The following CENPC variants were observed in gnomAD, a reference collection of about 807,000 sequenced individuals.
The protein encoded by CENPC is CENP-C 1.
A neutral mutation model predicts 112.1 loss-of-function variants in CENPC; 63 were observed. The ratio of observed to expected loss-of-function variants is 0.56; its 90% CI spans 0.46 to 0.69. The LOEUF is 0.69. Ranked by LOEUF, CENPC falls within the 30% of genes least tolerant of loss-of-function variation. The probability of loss-of-function intolerance (pLI) is 0.00; values close to 1 mark genes in which losing one functional copy is unlikely to be tolerated. For synonymous variants in CENPC, 333 were observed against 367.6 expected, an observed-to-expected ratio of 0.91 and a Z score of 1.08; for missense variants, 1,000 against 1,103.8, an observed-to-expected ratio of 0.91 and a Z score of 1.33.
intron 5 of CENPC, among the ~76,000 whole-genome samples, chr4:67,525,038 T>C (rs577424400): frequency 1.3e-5 from 2 of 152,116 alleles, no homozygotes; most frequent in South Asian, 4.2e-4. Context: ...CTACAACCGT[T>C]TGCTCTTCGA....
chr4:67,474,979 C>T lies in CENPC; in HGVS notation c.2671-1G>A. The T allele has an allele frequency of 2.0e-6, 3 of 1,471,722 alleles. No individual in the cohort carries two copies. Among genetic ancestry groups the T allele is most frequent in the South Asian group, 2.6e-5 (2 of 77,798 alleles). The allele number at this position is 1,471,722 out of a possible 1,614,324, so 91.2% of individuals were successfully genotyped here. On this transcript the variant is annotated splice_acceptor_variant, in intron 17 of 18. Coordinates refer to ENST00000273853, the MANE Select transcript of CENPC (RefSeq NM_001812.4). LOFTEE classifies it high-confidence loss of function. Reference sequence around the variant, plus strand: ...GGTCACCAAAGTTAACATAAAAAACCTGTAAAAATAAAAATAAAAATCTCA... The same window carrying T: ...GGTCACCAAAGTTAACATAAAAAACTTGTAAAAATAAAAATAAAAATCTCA...
At chr4:67,491,173 TTTATTA>T (rs1309329126) in intron 16 of CENPC, among the ~76,000 whole-genome samples, 3 of 149,134 alleles carry the variant, frequency 2.0e-5, no homozygotes, top group Non-Finnish European at 4.5e-5. Context: ...ACTAACTAGT[TTTATTA>T]TTATTATTAT....
intron 17 of CENPC, among the ~76,000 whole-genome samples, chr4:67,475,245 A>G (rs566908124): frequency 2.0e-5 from 3 of 152,232 alleles, no homozygotes; most frequent in African/African-American, 7.2e-5. Flanking sequence ...GAAACGAAAG[A>G]GAAGGAACAG....
intron 18 of CENPC, among the ~76,000 whole-genome samples, chr4:67,474,174 C>T (rs532788425): frequency 3.3e-5 from 5 of 152,166 alleles, no homozygotes; most frequent in African/African-American, 1.2e-4. Context: ...ATGCCATTCT[C>T]CTGCCTCAGC....
intron 15 of CENPC, 136 bp from the exon 16 acceptor site, chr4:67,492,411 TCA>T: frequency 1.8e-6 from 1 of 553,536 alleles, no homozygotes; most frequent in Non-Finnish European, 3.1e-6. Flanking sequence ...TATTTATAAA[TCA>T]CTCTGATAAA....
chr4:67,506,620 G>T (rs369011538), intron 11 of CENPC, among the ~76,000 whole-genome samples, 168 bp downstream of exon 11: 5 of 152,146 alleles, frequency 3.3e-5, no homozygotes, highest in African/African-American at 1.2e-4. Context: ...GAGAATATCC[G>T]AGCCAAAACT....
intron 8 of CENPC, among the ~76,000 whole-genome samples, chr4:67,513,536 T>G (rs933472547): frequency 6.6e-6 from 1 of 152,168 alleles, no homozygotes; most frequent in Non-Finnish European, 1.5e-5. Flanking sequence ...ATCAAAATTT[T>G]GTATCCTTCC....
chr4:67,522,791 G>A (rs1726264245), intron 5 of CENPC, among the ~76,000 whole-genome samples: 1 of 152,120 alleles, frequency 6.6e-6, no homozygotes, highest in South Asian at 2.1e-4. Context: ...CCTGAGGTCA[G>A]GGGTTCCAGA....
At chr4:67,532,213 G>GT (rs2109827084) in intron 4 of CENPC, among the ~76,000 whole-genome samples, 1 of 152,326 alleles carries the variant, frequency 6.6e-6, no homozygotes, top group East Asian at 1.9e-4. Flanking sequence ...TTTCACAATA[G>GT]TTAGAATGGC....
intron 8 of CENPC, among the ~76,000 whole-genome samples, chr4:67,513,643 T>C (rs1288201395): frequency 6.6e-6 from 1 of 152,184 alleles, no homozygotes; most frequent in Admixed American, 6.6e-5. Context: ...GTAATTTTTG[T>C]GATTACAGTG....
intron 11 of CENPC, among the ~76,000 whole-genome samples, 168 bp from the exon 12 acceptor site, chr4:67,505,452 G>A (rs1469632221): frequency 1.3e-5 from 2 of 152,158 alleles, no homozygotes; most frequent in South Asian, 4.1e-4. Flanking sequence ...AGTATTTGTG[G>A]GGGATTGATT....
At chr4:67,506,991 C>A in intron 10 of CENPC, 57 bp from the exon 11 acceptor site, 1 of 1,330,816 alleles carries the variant, frequency 7.5e-7, no homozygotes, top group Non-Finnish European at 1.0e-6. Flanking sequence ...AATTTTCTTC[C>A]AGAAACGATA....
intron 7 of CENPC, among the ~76,000 whole-genome samples, chr4:67,517,555 C>T (rs1181012382): frequency 6.7e-6 from 1 of 149,846 alleles, no homozygotes; most frequent in South Asian, 2.1e-4. Context: ...ACTGCATTGT[C>T]GGCCGGGTGC....
At chr4:67,492,800 A>G in intron 15 of CENPC, 69 bp downstream of exon 15, 1 of 1,425,224 alleles carries the variant, frequency 7.0e-7, no homozygotes, top group Non-Finnish European at 9.3e-7. Context: ...TATTTTGCAA[A>G]GAGCTTCTTC....
rs1724673869 is a variant in CENPC, at chr4:67,472,072, C to T, written c.*533G>A. 6.6e-6 allele frequency: 1 copy of T among 152,180 alleles called. No individual in the cohort carries two copies. The highest frequency in any genetic ancestry group is 2.4e-5 in the African/African-American group (1 of 41,450). 9.4% of individuals were successfully genotyped at this position (152,180 alleles called of 1,614,324 possible). A position where few individuals can be genotyped will look rare whatever the true frequency, so the allele number is the denominator to read the frequency against. On this transcript the variant is annotated 3_prime_UTR_variant, in exon 19 of 19. Transcript: ENST00000273853. ...GAATAAGGAAGGATTCTCTCCCTTA[C>T]AGGTTTTCAAAGACATCACGGCCTT... is the stretch of plus-strand genomic sequence containing the variant.
At chr4:67,497,327 G>A (rs190245363) in intron 12 of CENPC, among the ~76,000 whole-genome samples, 169 of 151,358 alleles carry the variant, frequency 1.1e-3, no homozygotes, top group African/African-American at 3.8e-3. Flanking sequence ...GCAGTGAGCC[G>A]AGATCACACC....
intron 12 of CENPC, among the ~76,000 whole-genome samples, chr4:67,502,118 G>A (rs964049553): frequency 6.6e-6 from 1 of 151,758 alleles, no homozygotes; most frequent in Non-Finnish European, 1.5e-5. Context: ...TACGGTGATA[G>A]TTTAAAGAAA....
At chr4:67,477,813 A>G (rs1179879011) in intron 17 of CENPC, among the ~76,000 whole-genome samples, 1 of 152,180 alleles carries the variant, frequency 6.6e-6, no homozygotes, top group Non-Finnish European at 1.5e-5. Flanking sequence ...AAAATACAGG[A>G]TTTTGATGAA....
chr4:67,532,900 AATTTT>A (rs1278061093), intron 4 of CENPC, among the ~76,000 whole-genome samples: 6 of 152,234 alleles, frequency 3.9e-5, no homozygotes, highest in African/African-American at 1.4e-4. Flanking sequence ...GTAAAATAAT[AATTTT>A]TAAAAAAGCA....
Sources: gnomAD v4.1 joint callset for allele counts (sites outside exome capture counted in the v4.1 genomes callset) on GRCh38, gnomAD v4.1.1 for gene constraint, MANE v1.5 for transcripts, NCBI Gene and HGNC (gene_info 2026-07-23, HGNC 2026-07-21) for gene names.